LIPE: variants seen among roughly 807,000 people sequenced by gnomAD.
The protein encoded by LIPE is hormone-sensitive lipase.
In LIPE, 66 loss-of-function variants were observed where a neutral mutation model predicts 88.5. That is an observed-to-expected ratio of 0.75 (90% CI 0.61 to 0.91). LIPE has a LOEUF of 0.91. Among genes scored for constraint, LIPE ranks in the 40% least tolerant of loss-of-function variants. The pLI is 0.00. For missense variants in LIPE, 1,346 were observed against 1,434.7 expected, an observed-to-expected ratio of 0.94 and a Z score of 1.00; for synonymous variants, 570 against 617.5, an observed-to-expected ratio of 0.92 and a Z score of 1.14.
intron 2 of LIPE, among the ~76,000 whole-genome samples, chr19:42,409,278 G>A (rs532473819): frequency 2.0e-5 from 3 of 152,092 alleles, no homozygotes; most frequent in African/African-American, 7.2e-5. Context: ...GGGTCCAGGT[G>A]CAGTGGCTCA....
In LIPE at chr19:42,414,728, A is replaced by T. The variant is rs1268705204; in HGVS notation, c.884-3886T>A. ...TCTGTGTCACATTCTGGTAATTTTC[A>T]CAGTGTTTCACACTTTTTCATTATT... On this transcript the variant is annotated intron_variant, in intron 1 of 9. Transcript: ENST00000244289. This position sits in a 1 kb window ranked among gnomAD's most constrained non-coding sequence, Gnocchi z 4.6. Among the ~76,000 whole-genome samples the T allele has an allele frequency of 6.6e-6, 1 of 152,216 alleles. No homozygotes were observed. Among genetic ancestry groups the T allele is most frequent in the Non-Finnish European group, 1.5e-5 (1 of 68,046 alleles).
Position 42,402,764 on chromosome 19 carries a change from A to T in LIPE, c.2810T>A (p.Val937Asp), listed in dbSNP as rs751112954. Residue 937 changes from valine to aspartate, a missense_variant, in exon 9 of 10, where the codon GTC (valine) becomes GAC (aspartate). Physicochemically the swap from Val to Asp is radical, Grantham distance 152. Coordinates refer to ENST00000244289, the MANE Select transcript of LIPE (RefSeq NM_005357.4). ...GAAACCCTCGGGGAAGGCGGCACGG[A>T]CGCCCAGGCCTCTGTCCATGGGGCT... Reference protein sequence around the residue: ...ELSPMDRGLGVRAAFPEGFHP... With the variant: ...ELSPMDRGLGDRAAFPEGFHP... 6.3e-7 allele frequency: 1 copy of T among 1,588,726 alleles called. No homozygotes were observed. The highest frequency in any genetic ancestry group is 1.1e-5 in the South Asian group (1 of 89,478).
Position 42,402,898 on chromosome 19 carries a change from G to A in LIPE, c.2676C>T (p.Pro892=), listed in dbSNP as rs779477629. ...RGNSETSSDT[P]EMSLSAETLS... ...GTGTCTCAGCTGACAGCGACATCTC[G>A]GGGGTGTCCGACGACGTCTCGGAGT... The change falls in exon 9 of 10, where the codon CCC becomes CCT. Residue 892 remains proline, a synonymous_variant. Transcript: ENST00000244289. The A allele has an allele frequency of 1.9e-6, 3 of 1,613,262 alleles. No individual in the cohort carries two copies. Among genetic ancestry groups the A allele is most frequent in the Admixed American group, 1.7e-5 (1 of 60,028 alleles).
At chr19:42,417,328 TACCTC>T (rs1285974674) in intron 1 of LIPE, among the ~76,000 whole-genome samples, 1 of 152,114 alleles carries the variant, frequency 6.6e-6, no homozygotes, top group Non-Finnish European at 1.5e-5. Context: ...GGCACGATCA[TACCTC>T]ACTGCAGCCT....
In LIPE at chr19:42,426,893, T is replaced by G; in HGVS notation, c.257A>C (p.Glu86Ala). ...RAQQKSASQE[E>A]FLAPQKPAPQ... ...TGCGGGCTTCTGTGGGGCAAGAAATTCCTCTTGTGAAGCAGATTTTTGTTG... is the reference window on the plus strand; with the variant it reads ...TGCGGGCTTCTGTGGGGCAAGAAATGCCTCTTGTGAAGCAGATTTTTGTTG... Residue 86 changes from glutamate to alanine, a missense_variant, in exon 1 of 10, where the codon GAA becomes GCA. Coordinates refer to ENST00000244289, the MANE Select transcript of LIPE (RefSeq NM_005357.4). The G allele has an allele frequency of 6.2e-7, 1 of 1,614,176 alleles. No homozygotes were observed. Among genetic ancestry groups the G allele is most frequent in the South Asian group, 1.1e-5 (1 of 91,076 alleles).
chr19:42,420,714 T>A (rs1479843303), intron 1 of LIPE, among the ~76,000 whole-genome samples: 6 of 152,108 alleles, frequency 3.9e-5, no homozygotes, highest in African/African-American at 1.4e-4. Context: ...ATTACCTGGG[T>A]GACTATGACA....
At chr19:42,416,003 T>G in intron 1 of LIPE, among the ~76,000 whole-genome samples, 1 of 151,654 alleles carries the variant, frequency 6.6e-6, no homozygotes, top group African/African-American at 2.4e-5. Context: ...CTAGCAGAGG[T>G]GGATTCATGA....
In LIPE at chr19:42,427,234, C is replaced by T; in HGVS notation, c.-85G>A. On this transcript the variant is annotated 5_prime_UTR_variant, in exon 1 of 10. The change abolishes an upstream ATG in the 5' untranslated region. Coordinates refer to ENST00000244289, the MANE Select transcript of LIPE (RefSeq NM_005357.4). The stretch of plus-strand genomic sequence containing the variant: ...CAGCCCTCTCTCTTCACAGATCTCT[C>T]ATTGATTCCTCATGATGGCACTTCC... 3 of 1,472,400 alleles carry T rather than the reference C, an allele frequency of 2.0e-6. No homozygotes were observed. The highest frequency in any genetic ancestry group is 1.4e-5 in the African/African-American group (1 of 70,624). The allele number at this position is 1,472,400 out of a possible 1,614,324, so 91.2% of individuals were successfully genotyped here.
Position 42,410,169 on chromosome 19 carries a change from A to G in LIPE, c.1419+138T>C. 1 of 886,052 alleles carries G rather than the reference A, an allele frequency of 1.1e-6. No individual in the cohort carries two copies. The highest frequency in any genetic ancestry group is 1.8e-5 in the South Asian group (1 of 56,218). The allele number at this position is 886,052 out of a possible 1,614,324, so 54.9% of individuals were successfully genotyped here. ...GTGCAGCTCTGTCTGAGCTCCAGCC[A>G]ACTTCTCCTTTCTGTACCTGCTGTT... On this transcript the variant is annotated intron_variant, in intron 2 of 9. Coordinates refer to ENST00000244289, the MANE Select transcript of LIPE (RefSeq NM_005357.4). This position sits in a 1 kb window ranked among gnomAD's most constrained non-coding sequence, Gnocchi z 6.1.
rs774930045 is a variant in LIPE at position 42,410,639 on chromosome 19, CAA to C, written c.1085_1086del (p.Phe362Ter). The C allele has an allele frequency of 2.7e-5, 43 of 1,613,074 alleles. No homozygotes were observed. The highest frequency in any genetic ancestry group is 3.6e-5 in the Non-Finnish European group (43 of 1,179,566). Reference sequence around the variant, plus strand: ...TTGGCCGGTGTCTCTGGGTCCAGGTCAAAGAGGTGCGCCACACCCAGCAGGCG... The same window carrying C: ...TTGGCCGGTGTCTCTGGGTCCAGGTCAGAGGTGCGCCACACCCAGCAGGCG... ...LGRLLGVAHLFDLDPETPANG... is the reference protein window; with the variant it reads ...LGRLLGVAHLXDLDPETPANG... On this transcript the variant is annotated frameshift_variant, in exon 2 of 10. Coordinates refer to ENST00000244289, the MANE Select transcript of LIPE (RefSeq NM_005357.4). LOFTEE classifies it high-confidence loss of function. This position sits in a 1 kb window ranked among gnomAD's most constrained non-coding sequence, Gnocchi z 6.1.
Position 42,407,907 on chromosome 19 carries a change from C to T in LIPE, c.1656+69G>A. 3.8e-6 allele frequency: 6 copies of T among 1,579,390 alleles called. 1 individual carries two copies. Among genetic ancestry groups the T allele is most frequent in the South Asian group, 1.1e-5 (1 of 88,326 alleles). ...TGTGCCATCCCTGGGCCTGGAGCCC[C>T]ACAGAGACCTACTGTGGCCTCAGAT... On this transcript the variant is annotated intron_variant, in intron 4 of 9. Coordinates refer to ENST00000244289, the MANE Select transcript of LIPE (RefSeq NM_005357.4). The surrounding 1 kb of genome is among the most constrained non-coding windows in gnomAD (Gnocchi z 5.8).
chr19:42,417,909 A>G (rs2040521193), intron 1 of LIPE, among the ~76,000 whole-genome samples: 1 of 152,174 alleles, frequency 6.6e-6, no homozygotes, highest in South Asian at 2.1e-4. Flanking sequence ...AGCAGGAACA[A>G]TGGCAACAAA....
chr19:42,412,621 A>G (rs1248313956), intron 1 of LIPE: 2 of 959,800 alleles, frequency 2.1e-6, no homozygotes, highest in Middle Eastern at 5.3e-4. Flanking sequence ...CCTCTGCCTT[A>G]GAACCCAGGA....
chr19:42,407,261 AGTAGTC>A lies in LIPE; in HGVS notation c.2044_2049del (p.Asp682_Tyr683del). 6.2e-7 allele frequency: 1 copy of A among 1,602,392 alleles called. No homozygotes were observed. The highest frequency in any genetic ancestry group is 8.5e-7 in the Non-Finnish European group (1 of 1,174,848). On this transcript the variant is annotated inframe_deletion, in exon 6 of 10. Coordinates refer to ENST00000244289, the MANE Select transcript of LIPE (RefSeq NM_005357.4). This position sits in a 1 kb window ranked among gnomAD's most constrained non-coding sequence, Gnocchi z 5.8. ...GGGAAGGGGGCCTCAGGGGCCAGGG[AGTAGTC>A]GATGGAGATGATGGGGGCGCCCAGC...
At chr19:42,424,265 G>C (rs2040663893) in intron 1 of LIPE, 1 of 513,490 alleles carries the variant, frequency 1.9e-6, no homozygotes, top group African/African-American at 2.0e-5. Flanking sequence ...CCGCGGGCCG[G>C]CCCAAGAGCG....
chr19:42,401,798 G>C lies in LIPE; in HGVS notation c.*14C>G. On this transcript the variant is annotated 3_prime_UTR_variant, in exon 10 of 10. Coordinates refer to ENST00000244289, the MANE Select transcript of LIPE (RefSeq NM_005357.4). ...TTCATGACGGAGGCCGGCGCAGATG[G>C]GAACAACAGGCTTTTAGTGTCGCCC... 1 of 1,463,984 alleles carries C rather than the reference G, an allele frequency of 6.8e-7. No homozygotes were observed. Among genetic ancestry groups the C allele is most frequent in the Non-Finnish European group, 9.0e-7 (1 of 1,108,428 alleles). The allele number at this position is 1,463,984 out of a possible 1,614,324, so 90.7% of individuals were successfully genotyped here. A position where few individuals can be genotyped will look rare whatever the true frequency, so the allele number is the denominator to read the frequency against.
Position 42,427,171 on chromosome 19 carries a change from T to G in LIPE, c.-22A>C, listed in dbSNP as rs779359680. The G allele has an allele frequency of 6.4e-7, 1 of 1,565,258 alleles. No individual in the cohort carries two copies. The highest frequency in any genetic ancestry group is 1.2e-5 in the South Asian group (1 of 83,196). ...CCATTGTTATTTCCCTCACGGGAGA[T>G]ATTGATCTTCCAGGTTCTATCCTTC... On this transcript the variant is annotated 5_prime_UTR_variant, in exon 1 of 10. Transcript: ENST00000244289.
intron 2 of LIPE, among the ~76,000 whole-genome samples, chr19:42,409,246 A>T (rs1383481104): frequency 6.6e-6 from 1 of 152,064 alleles, no homozygotes; most frequent in Non-Finnish European, 1.5e-5. Flanking sequence ...CAGAGCAGAC[A>T]GGCAGTTAAG....
At chr19:42,424,761 C>G (rs1020146635) in intron 1 of LIPE, 2 of 377,676 alleles carry the variant, frequency 5.3e-6, no homozygotes, top group South Asian at 3.9e-5. Flanking sequence ...CAAGTAACCT[C>G]CAGTTCCATA....
Sources: allele counts gnomAD v4.1 joint callset (sites outside exome capture counted in the v4.1 genomes callset), GRCh38; gene constraint gnomAD v4.1.1; non-coding constraint Gnocchi (gnomAD v3.1); transcripts MANE v1.5; gene names NCBI Gene and HGNC (gene_info 2026-07-23, HGNC 2026-07-21).